The following TEX36 variants were observed in gnomAD, a reference collection of about 807,000 sequenced individuals.
TEX36 encodes testis-expressed protein 36.
TEX36 carries 12 observed loss-of-function variants against 13.6 expected under a neutral mutation model. That is an observed-to-expected ratio of 0.88 (90% confidence interval 0.56 to 1.43). TEX36 has a LOEUF of 1.43. Among genes scored for constraint, TEX36 ranks in the 40% most tolerant of loss-of-function variants. The probability of loss-of-function intolerance (pLI) is 0.00; values close to 1 mark genes in which losing one functional copy is unlikely to be tolerated. For missense variants in TEX36, 224 were observed against 228.3 expected, an observed-to-expected ratio of 0.98 and a Z score of 0.12; for synonymous variants, 93 against 83.0, an observed-to-expected ratio of 1.12 and a Z score of -0.65.
intron 1 of TEX36, among the ~76,000 whole-genome samples, chr10:125,677,169 A>G (rs1054987568): frequency 6.6e-6 from 1 of 152,192 alleles, no homozygotes; most frequent in Non-Finnish European, 1.5e-5. Flanking sequence ...TGACTATAAC[A>G]TTTCATGGAG....
intron 3 of TEX36, among the ~76,000 whole-genome samples, chr10:125,647,981 T>C (rs1846797884): frequency 6.6e-6 from 1 of 152,066 alleles, no homozygotes. Flanking sequence ...TGCTGAGGCT[T>C]GAGTAGGTAA....
intron 3 of TEX36, among the ~76,000 whole-genome samples, chr10:125,659,587 G>A (rs1259998787): frequency 6.6e-6 from 1 of 152,164 alleles, no homozygotes; most frequent in Non-Finnish European, 1.5e-5. Flanking sequence ...TTCTGGTCCT[G>A]TTTTCAACAT....
intron 1 of TEX36, among the ~76,000 whole-genome samples, chr10:125,671,097 T>G (rs1379204116): frequency 6.6e-6 from 1 of 152,212 alleles, no homozygotes; most frequent in Non-Finnish European, 1.5e-5. Flanking sequence ...TTTGACTTCC[T>G]CTCTTCCTGT....
At chr10:125,591,259 C>A (rs978191542) in intron 3 of TEX36, among the ~76,000 whole-genome samples, 1 of 152,202 alleles carries the variant, frequency 6.6e-6, no homozygotes, top group East Asian at 1.9e-4. Flanking sequence ...CGTTTGATGT[C>A]ATCTATATTA....
intron 3 of TEX36, among the ~76,000 whole-genome samples, chr10:125,632,152 T>C (rs1044838211): frequency 6.6e-6 from 1 of 151,938 alleles, no homozygotes; most frequent in Non-Finnish European, 1.5e-5. Flanking sequence ...GGGGCTTTGG[T>C]GACTACATAG....
intron 3 of TEX36, among the ~76,000 whole-genome samples, chr10:125,659,447 T>C (rs1420596026): frequency 6.6e-6 from 1 of 152,120 alleles, no homozygotes; most frequent in Non-Finnish European, 1.5e-5. Context: ...GGAAGGAAAA[T>C]AAGGGTGTGA....
At chr10:125,623,654 G>A (rs780090202) in intron 3 of TEX36, among the ~76,000 whole-genome samples, 3 of 151,890 alleles carry the variant, frequency 2.0e-5, no homozygotes, top group Non-Finnish European at 2.9e-5. Flanking sequence ...AGGAAGGTGC[G>A]AGGCCCTGTA....
Position 125,599,722 on chromosome 10 carries a change from C to G in TEX36, c.265-22848G>C, listed in dbSNP as rs369218329. ...TGATATCTCTCCCTTAATATAATAC[C>G]CTTTGTATTGTATTTGTGCAAATAC... On this transcript the variant is annotated intron_variant, in intron 3 of 3. Transcript: ENST00000532135. Among the ~76,000 whole-genome samples, 6 of 152,244 alleles carry G rather than the reference C, an allele frequency of 3.9e-5. No homozygotes were observed. In the South Asian group the frequency reaches 6.2e-4, roughly 16 times the overall value.
chr10:125,634,473 C>T (rs1356599734), intron 3 of TEX36, among the ~76,000 whole-genome samples: 1 of 152,178 alleles, frequency 6.6e-6, no homozygotes, highest in Non-Finnish European at 1.5e-5. Context: ...TGAAATGCAT[C>T]TCTTCATCTG....
chr10:125,590,817 A>T (rs1189932271), intron 3 of TEX36, among the ~76,000 whole-genome samples: 3 of 152,224 alleles, frequency 2.0e-5, no homozygotes, highest in Admixed American at 6.5e-5. Flanking sequence ...ATGATGACAC[A>T]ATAGAGAGAT....
chr10:125,647,575 A>C (rs558793849), intron 3 of TEX36, among the ~76,000 whole-genome samples: 3 of 152,254 alleles, frequency 2.0e-5, no homozygotes, highest in Non-Finnish European at 4.4e-5. Context: ...GAATAGGAAC[A>C]GCTCCAGTCT....
At chr10:125,675,122 G>A (rs1345921265) in intron 1 of TEX36, among the ~76,000 whole-genome samples, 1 of 151,806 alleles carries the variant, frequency 6.6e-6, no homozygotes, top group Non-Finnish European at 1.5e-5. Context: ...TGGAGTTGCT[G>A]AAATTCATGC....
chr10:125,635,508 C>T (rs1023235361), intron 3 of TEX36, among the ~76,000 whole-genome samples: 1 of 152,198 alleles, frequency 6.6e-6, no homozygotes, highest in Non-Finnish European at 1.5e-5. Context: ...ATGGCAAAGG[C>T]ATTTCAGAAT....
Position 125,587,768 on chromosome 10 carries a change from G to A in TEX36, c.265-10894C>T, listed in dbSNP as rs143791611. ...ACCAGCCTGGGCTACAAGGGCGAGC[G>A]AAGCTCTGTCTCAAAATTAAAAAAA... is the stretch of plus-strand genomic sequence containing the variant. On this transcript the variant is annotated intron_variant, in intron 3 of 3. Transcript: ENST00000532135. Among the ~76,000 whole-genome samples, 20 of 141,930 alleles carry A rather than the reference G, an allele frequency of 1.4e-4. No homozygotes were observed. The East Asian group carries it at 3.1e-3, about 22-fold the overall frequency. The allele number at this position is 141,930 out of a possible 152,430, so 93.1% of individuals were successfully genotyped here. A position where few individuals can be genotyped will look rare whatever the true frequency, so the allele number is the denominator to read the frequency against.
intron 3 of TEX36, among the ~76,000 whole-genome samples, chr10:125,586,323 G>A (rs1589740988): frequency 6.6e-6 from 1 of 152,212 alleles, no homozygotes; most frequent in East Asian, 1.9e-4. Context: ...TGGGTCAAAG[G>A]TAATGAACAA....
intron 3 of TEX36, among the ~76,000 whole-genome samples, chr10:125,585,545 A>G (rs989030260): frequency 6.6e-6 from 1 of 152,202 alleles, no homozygotes; most frequent in African/African-American, 2.4e-5. Flanking sequence ...AGCTAGCCAT[A>G]AAATATGGGA....
chr10:125,604,456 A>T (rs1176228962), intron 3 of TEX36, among the ~76,000 whole-genome samples: 1 of 152,098 alleles, frequency 6.6e-6, no homozygotes, highest in East Asian at 1.9e-4. Flanking sequence ...TGGGAGGATC[A>T]CTTAAGTCTA....
At chr10:125,588,592 GGTTTGTTTGTTTGTTT>G (rs59372231) in intron 3 of TEX36, among the ~76,000 whole-genome samples, 145 of 147,478 alleles carry the variant, frequency 9.8e-4, no homozygotes, top group African/African-American at 2.8e-3. Context: ...CCAGGCTCTT[GGTTTGTTTGTTTGTTT>G]GTTTGTTTGT....
intron 3 of TEX36, among the ~76,000 whole-genome samples, chr10:125,613,649 A>T (rs1401271633): frequency 6.6e-6 from 1 of 151,802 alleles, no homozygotes; most frequent in African/African-American, 2.4e-5. Flanking sequence ...CATGGTGTAT[A>T]TGTGCCACGT....
Sources: allele counts gnomAD v4.1 joint callset (sites outside exome capture counted in the v4.1 genomes callset), GRCh38; gene constraint gnomAD v4.1.1; transcripts MANE v1.5; gene names NCBI Gene and HGNC (gene_info 2026-07-23, HGNC 2026-07-21).